The following DCDC1 variants were observed in gnomAD, a reference collection of about 807,000 sequenced individuals.
DCDC1 encodes doublecortin domain-containing protein 1.
In DCDC1, 200 loss-of-function variants were observed where a neutral mutation model predicts 178.3. The ratio of observed to expected loss-of-function variants is 1.12; its 90% confidence interval spans 1.00 to 1.26. The LOEUF (loss-of-function observed/expected upper bound fraction) is 1.26, where lower values mean the gene tolerates loss of function less well. DCDC1 is among the 50% of genes most tolerant of loss of function. The pLI is 0.00. For synonymous variants in DCDC1, 690 were observed against 604.8 expected (o/e 1.14, Z -2.07); for missense variants, 1,983 against 1,749.2 (o/e 1.13, Z -2.38).
At chr11:30,913,148 G>A (rs1264694610) in intron 27 of DCDC1, among the ~76,000 whole-genome samples, 3 of 152,134 alleles carry the variant, frequency 2.0e-5, no homozygotes, top group East Asian at 1.9e-4. Flanking sequence ...TTGGCCGGGC[G>A]CGGTGGCTCA....
At chr11:31,153,447 A>T (rs1965382167) in intron 9 of DCDC1, among the ~76,000 whole-genome samples, 1 of 152,132 alleles carries the variant, frequency 6.6e-6, no homozygotes, top group African/African-American at 2.4e-5. Flanking sequence ...ACTTGTTATA[A>T]CCATAAATTC....
chr11:31,162,553 A>C (rs1255460089), intron 9 of DCDC1, among the ~76,000 whole-genome samples: 1 of 152,158 alleles, frequency 6.6e-6, no homozygotes, highest in Admixed American at 6.6e-5. Context: ...TTCTAGGTCT[A>C]ATATATCTCA....
At chr11:31,026,049 A>G (rs1035740825) in intron 20 of DCDC1, among the ~76,000 whole-genome samples, 5 of 151,848 alleles carry the variant, frequency 3.3e-5, no homozygotes, top group Non-Finnish European at 5.9e-5. Context: ...TTGACAAAGA[A>G]AGGAAAGAGA....
chr11:31,294,455 C>T (rs1029445350), intron 6 of DCDC1, among the ~76,000 whole-genome samples: 16 of 150,510 alleles, frequency 1.1e-4, no homozygotes, highest in East Asian at 2.0e-4. Context: ...TTGTGGTGGG[C>T]GCCTGTAATC....
In DCDC1 at chr11:30,931,787, G is replaced by T; in HGVS notation, c.2881C>A (p.Pro961Thr). ...SVTILGPDIS[P>T]GRKTQCTEIL... ...TGTTCTTACTGCGTTTTCCGTCCAG[G>T]TGAGATATCTGGACCAAGGATAGTA... is the stretch of plus-strand genomic sequence containing the variant. Residue 961 changes from proline to threonine, a missense_variant, in exon 22 of 39, where the codon CCT becomes ACT. Coordinates refer to ENST00000684477, the MANE Select transcript of DCDC1 (RefSeq NM_001387274.1). 1 of 1,611,604 alleles carries T rather than the reference G, an allele frequency of 6.2e-7. No individual in the cohort carries two copies. The highest frequency in any genetic ancestry group is 8.5e-7 in the Non-Finnish European group (1 of 1,178,646).
intron 9 of DCDC1, among the ~76,000 whole-genome samples, chr11:31,207,061 T>C (rs1971947978): frequency 6.6e-6 from 1 of 152,214 alleles, no homozygotes; most frequent in Admixed American, 6.5e-5. Context: ...TATTTTTATA[T>C]CTACTTTGGT....
intron 9 of DCDC1, among the ~76,000 whole-genome samples, chr11:31,222,713 G>A (rs2136681497): frequency 6.6e-6 from 1 of 152,206 alleles, no homozygotes; most frequent in Non-Finnish European, 1.5e-5. Flanking sequence ...GCTCGAAGAT[G>A]GCTGTCTTCT....
intron 29 of DCDC1, among the ~76,000 whole-genome samples, chr11:30,908,735 T>C (rs868256378): frequency 6.6e-6 from 1 of 152,166 alleles, no homozygotes; most frequent in South Asian, 2.1e-4. Context: ...TTTAAGTACA[T>C]TAGATTAATA....
chr11:31,265,477 C>A, intron 8 of DCDC1, 30 bp downstream of exon 8: 1 of 1,226,194 alleles, frequency 8.2e-7, no homozygotes, highest in South Asian at 1.9e-5. Flanking sequence ...AAAATATTAT[C>A]AAATGGTTTA....
chr11:30,953,448 A>C (rs966601312), intron 20 of DCDC1, among the ~76,000 whole-genome samples: 1 of 151,794 alleles, frequency 6.6e-6, no homozygotes, highest in Non-Finnish European at 1.5e-5. Context: ...ATACATGTAG[A>C]ATTATATCCA....
intron 13 of DCDC1, among the ~76,000 whole-genome samples, chr11:31,106,411 G>A (rs1051968439): frequency 6.6e-6 from 1 of 152,042 alleles, no homozygotes; most frequent in Non-Finnish European, 1.5e-5. Context: ...CTTTAAAAAG[G>A]GACAAAAAAA....
At chr11:30,914,172 T>C (rs1179834736) in intron 27 of DCDC1, among the ~76,000 whole-genome samples, 4 of 152,236 alleles carry the variant, frequency 2.6e-5, no homozygotes, top group African/African-American at 9.6e-5. Context: ...TACCTACACA[T>C]TGCAAAGGCA....
intron 21 of DCDC1, among the ~76,000 whole-genome samples, chr11:30,936,879 G>A (rs914641786): frequency 1.3e-5 from 2 of 152,082 alleles, no homozygotes; most frequent in Admixed American, 6.6e-5. Flanking sequence ...ATTACTGGTT[G>A]GAAGTCTTTT....
intron 3 of DCDC1, among the ~76,000 whole-genome samples, chr11:31,326,426 T>G (rs991016031): frequency 6.6e-6 from 1 of 152,110 alleles, no homozygotes; most frequent in African/African-American, 2.4e-5. Context: ...AAAAAGTGAA[T>G]GTATCACCAT....
At chr11:31,171,707 C>T (rs2136224919) in intron 9 of DCDC1, among the ~76,000 whole-genome samples, 1 of 152,246 alleles carries the variant, frequency 6.6e-6, no homozygotes, top group African/African-American at 2.4e-5. Flanking sequence ...ACCCCAATCA[C>T]CAGGGACTTT....
At position 31,334,222 on chromosome 11, in the gene DCDC1, G is replaced by T. The variant is rs544884738; in HGVS notation, c.-7+1225C>A. 3.9e-5 allele frequency among the ~76,000 whole-genome samples: 6 copies of T among 152,234 alleles called. No homozygotes were observed. The East Asian group carries it at 7.7e-4, about 20-fold the overall frequency. On this transcript the variant is annotated intron_variant, in intron 2 of 38. Transcript: ENST00000684477. The stretch of plus-strand genomic sequence containing the variant: ...CATAGTTCTTGTGCCATGGTTTTCA[G>T]CTCCATCAGGTCATTTAAGGTCTTG...
At chr11:31,219,720 T>A (rs1974025259) in intron 9 of DCDC1, among the ~76,000 whole-genome samples, 1 of 152,144 alleles carries the variant, frequency 6.6e-6, no homozygotes. Flanking sequence ...CAGAGAATGA[T>A]GATATGATGA....
chr11:31,240,496 G>A (rs1591514199), intron 9 of DCDC1, among the ~76,000 whole-genome samples: 1 of 151,860 alleles, frequency 6.6e-6, no homozygotes, highest in Admixed American at 6.6e-5. Context: ...TTCCAAACTC[G>A]ACAGCAGGAG....
At chr11:30,926,594 G>C (rs1031010844) in intron 22 of DCDC1, among the ~76,000 whole-genome samples, 2 of 152,138 alleles carry the variant, frequency 1.3e-5, no homozygotes, top group Non-Finnish European at 2.9e-5. Context: ...AGGATATCCC[G>C]CCTATGGAAG....
Sources: allele counts gnomAD v4.1 joint callset (sites outside exome capture counted in the v4.1 genomes callset), GRCh38; gene constraint gnomAD v4.1.1; transcripts MANE v1.5; gene names NCBI Gene and HGNC (gene_info 2026-07-23, HGNC 2026-07-21).